Variants in LRRC4C observed in about 807,000 individuals in gnomAD.
The protein encoded by LRRC4C is leucine-rich repeat-containing protein 4C.
In LRRC4C, 5 loss-of-function variants were observed where a neutral mutation model predicts 33.6. That is an observed-to-expected ratio of 0.15 (90% confidence interval 0.08 to 0.31). LRRC4C has a LOEUF of 0.31. LRRC4C is among the 10% of genes least tolerant of loss of function. LRRC4C has a pLI of 1.00. For missense variants in LRRC4C, 560 were observed against 796.7 expected (o/e 0.70, Z 3.58); for synonymous variants, 329 against 302.0 (o/e 1.09, Z -0.93).
chr11:40,364,072 C>T (rs1341275839), intron 3 of LRRC4C, among the ~76,000 whole-genome samples: 1 of 151,972 alleles, frequency 6.6e-6, no homozygotes, highest in African/African-American at 2.4e-5. Flanking sequence ...AATAAAATAG[C>T]ACTATGTAAC....
chr11:40,766,399 C>T (rs1055032392), intron 2 of LRRC4C, among the ~76,000 whole-genome samples: 3 of 73,906 alleles, frequency 4.1e-5, no homozygotes, highest in South Asian at 9.2e-4. Context: ...ACGCAATAGA[C>T]AATCATCTAA....
rs924699618 is a variant in LRRC4C, at chr11:41,086,259, C to T, written c.-495-152536G>A. ...TTTAAGTAAAAATCAAGGCTATTTGCTTGGGCTGAAATTATATCACTACAC... is the reference window on the plus strand; with the variant it reads ...TTTAAGTAAAAATCAAGGCTATTTGTTTGGGCTGAAATTATATCACTACAC... On this transcript the variant is annotated intron_variant, in intron 1 of 6. Transcript: ENST00000528697. 6.6e-5 allele frequency among the ~76,000 whole-genome samples: 10 copies of T among 152,136 alleles called. No individual in the cohort carries two copies. The South Asian group carries it at 8.3e-4, about 13-fold the overall frequency.
At chr11:41,278,758 G>A (rs1373011104) in intron 1 of LRRC4C, among the ~76,000 whole-genome samples, 1 of 152,176 alleles carries the variant, frequency 6.6e-6, no homozygotes, top group Non-Finnish European at 1.5e-5. Context: ...GTTGTGAGTT[G>A]TAGCAGATAG....
At chr11:40,687,731 T>C (rs1945030328) in intron 2 of LRRC4C, among the ~76,000 whole-genome samples, 1 of 152,132 alleles carries the variant, frequency 6.6e-6, no homozygotes, top group African/African-American at 2.4e-5. Flanking sequence ...CTGTCTATAA[T>C]TTTATATTAA....
intron 1 of LRRC4C, among the ~76,000 whole-genome samples, chr11:41,181,725 C>T (rs1945459608): frequency 6.6e-6 from 1 of 152,162 alleles, no homozygotes; most frequent in Admixed American, 6.5e-5. Flanking sequence ...ACAGCAATCT[C>T]ATCTCTTTTC....
rs753429439 is a variant in LRRC4C, at chr11:40,161,802, T to C, written c.-95-20949A>G. Among the ~76,000 whole-genome samples the C allele has an allele frequency of 2.9e-4, 44 of 152,242 alleles. 1 individual carries two copies. Among genetic ancestry groups the C allele is most frequent in the Non-Finnish European group, 6.0e-4 (41 of 68,010 alleles). On this transcript the variant is annotated intron_variant, in intron 5 of 6. Coordinates refer to ENST00000528697, the MANE Select transcript of LRRC4C (RefSeq NM_001258419.2). ...ATTAGAGGCAATAAGTTCTGTCATATAATCTAGGAAAGTGTATAAATCTGT... is the reference window on the plus strand; with the variant it reads ...ATTAGAGGCAATAAGTTCTGTCATACAATCTAGGAAAGTGTATAAATCTGT...
chr11:40,503,380 A>C (rs928108656), intron 3 of LRRC4C, among the ~76,000 whole-genome samples: 2 of 152,220 alleles, frequency 1.3e-5, no homozygotes, highest in African/African-American at 4.8e-5. Flanking sequence ...TGGTTGAATA[A>C]ATGAATTACA....
At chr11:41,376,922 A>C (rs1037444182) in intron 1 of LRRC4C, among the ~76,000 whole-genome samples, 2 of 152,138 alleles carry the variant, frequency 1.3e-5, no homozygotes, top group African/African-American at 2.4e-5. Flanking sequence ...CAAGGGGAAG[A>C]CCTAAAGCAA....
chr11:40,969,461 A>C (rs893217925), intron 1 of LRRC4C, among the ~76,000 whole-genome samples: 7 of 29,664 alleles, frequency 2.4e-4, no homozygotes, highest in Admixed American at 1.6e-3. Context: ...ATCTTACACT[A>C]CAAAAAAAAA....
At chr11:40,253,921 C>T (rs1418766743) in intron 4 of LRRC4C, among the ~76,000 whole-genome samples, 1 of 152,182 alleles carries the variant, frequency 6.6e-6, no homozygotes, top group Non-Finnish European at 1.5e-5. Context: ...ATTTTATTCA[C>T]ATTATATAAG....
At chr11:40,378,101 GCATTATA>G (rs1356991737) in intron 3 of LRRC4C, among the ~76,000 whole-genome samples, 3 of 151,944 alleles carry the variant, frequency 2.0e-5, no homozygotes, top group Non-Finnish European at 4.4e-5. Flanking sequence ...AGGTTCTTGA[GCATTATA>G]CTCTAAATTC....
At chr11:40,283,726 C>CTT in intron 4 of LRRC4C, among the ~76,000 whole-genome samples, 1 of 115,346 alleles carries the variant, frequency 8.7e-6, no homozygotes, top group Admixed American at 1.0e-4. Flanking sequence ...TTTTTTGAGA[C>CTT]GGAGTTTCAC....
chr11:40,144,668 C>T (rs1368326438), intron 5 of LRRC4C, among the ~76,000 whole-genome samples: 8 of 151,840 alleles, frequency 5.3e-5, no homozygotes, highest in South Asian at 2.1e-4. Flanking sequence ...AGGAGGAAGG[C>T]GAATGAGATT....
chr11:40,168,607 T>C (rs1859794883), intron 5 of LRRC4C, among the ~76,000 whole-genome samples: 2 of 152,166 alleles, frequency 1.3e-5, no homozygotes, highest in Admixed American at 6.5e-5. Context: ...CACATGGTCC[T>C]GCTTTATGAA....
chr11:40,331,152 A>C (rs1367290210), intron 3 of LRRC4C, among the ~76,000 whole-genome samples: 1 of 152,180 alleles, frequency 6.6e-6, no homozygotes, highest in Non-Finnish European at 1.5e-5. Context: ...GAACAGGGAG[A>C]AAAGGGAACT....
chr11:41,314,444 A>G (rs1234457018), intron 1 of LRRC4C, among the ~76,000 whole-genome samples: 1 of 152,236 alleles, frequency 6.6e-6, no homozygotes, highest in Non-Finnish European at 1.5e-5. Flanking sequence ...TCAGTTTTAT[A>G]GAAAGAGAAT....
chr11:40,683,873 A>C (rs1944826425), intron 2 of LRRC4C, among the ~76,000 whole-genome samples: 1 of 152,200 alleles, frequency 6.6e-6, no homozygotes, highest in Non-Finnish European at 1.5e-5. Flanking sequence ...AAACTCTGCT[A>C]AAACGCCAGG....
intron 3 of LRRC4C, among the ~76,000 whole-genome samples, chr11:40,344,031 C>T (rs1297708486): frequency 6.6e-6 from 1 of 151,706 alleles, no homozygotes; most frequent in Admixed American, 6.6e-5. Context: ...CAAAAAAAGC[C>T]CAGGACCAGG....
At chr11:40,398,197 A>T (rs886991838) in intron 3 of LRRC4C, among the ~76,000 whole-genome samples, 1 of 152,124 alleles carries the variant, frequency 6.6e-6, no homozygotes, top group African/African-American at 2.4e-5. Context: ...AATATGGCTT[A>T]CCAATATGAA....
Sources: allele counts gnomAD v4.1 joint callset (sites outside exome capture counted in the v4.1 genomes callset), GRCh38; gene constraint gnomAD v4.1.1; transcripts MANE v1.5; gene names NCBI Gene and HGNC (gene_info 2026-07-23, HGNC 2026-07-21).